The following CRB1 variants were observed in gnomAD, a reference collection of about 807,000 sequenced individuals.
The protein encoded by CRB1 is protein crumbs homolog 1.
CRB1 carries 83 observed loss-of-function variants against 120.0 expected under a neutral mutation model. The ratio of observed to expected loss-of-function variants is 0.69; its 90% confidence interval spans 0.58 to 0.83. CRB1 has a LOEUF of 0.83. CRB1 is among the 40% of genes least tolerant of loss of function. The pLI, the probability that CRB1 is intolerant of heterozygous loss-of-function variation, is 0.00. For synonymous variants in CRB1, 625 were observed against 612.5 expected, an observed-to-expected ratio of 1.02 and a Z score of -0.30; for missense variants, 1,699 against 1,687.6, an observed-to-expected ratio of 1.01 and a Z score of -0.12.
At chr1:197,391,708 C>G (rs985998819) in intron 5 of CRB1, among the ~76,000 whole-genome samples, 1 of 151,992 alleles carries the variant, frequency 6.6e-6, no homozygotes, top group African/African-American at 2.4e-5. Flanking sequence ...TGGAGTTGAA[C>G]TTAACCAGTT....
intron 1 of CRB1, among the ~76,000 whole-genome samples, chr1:197,308,488 A>G (rs1657307221): frequency 1.3e-5 from 2 of 152,240 alleles, no homozygotes; most frequent in South Asian, 4.1e-4. Flanking sequence ...GATAGGTTGT[A>G]CATTGTAAGA....
At chr1:197,450,110 C>T (rs1406264431) in intron 11 of CRB1, among the ~76,000 whole-genome samples, 4 of 152,186 alleles carry the variant, frequency 2.6e-5, no homozygotes, top group Non-Finnish European at 5.9e-5. Context: ...TGGTTATTAT[C>T]TGAGTGCCCT....
rs745464770 is a variant in CRB1, at chr1:197,421,464, A to G, written c.1636A>G (p.Ile546Val). The G allele has an allele frequency of 4.3e-6, 7 of 1,614,118 alleles. No individual in the cohort carries two copies. Among genetic ancestry groups the G allele is most frequent in the African/African-American group, 2.7e-5 (2 of 74,942 alleles). Reference protein sequence around the residue: ...ELLSGYIHLSIQVNNQSKVLL... With the variant: ...ELLSGYIHLSVQVNNQSKVLL... ...GCTAAGTGGCTACATTCACTTATCA[A>G]TTCAGGTCAATAATCAGTCAAAGGT... is the stretch of plus-strand genomic sequence containing the variant. The change falls in exon 6 of 12, where the codon ATT (isoleucine) becomes GTT (valine). Residue 546 changes from isoleucine to valine, a missense_variant. Coordinates refer to ENST00000367400, the MANE Select transcript of CRB1 (RefSeq NM_201253.3).
chr1:197,217,785 T>TG, the CRB1 span, among the ~76,000 whole-genome samples: 1 of 152,190 alleles, frequency 6.6e-6, no homozygotes, highest in Non-Finnish European at 1.5e-5. Flanking sequence ...TCCATCAAAT[T>TG]GCACGTATTA....
At position 197,268,330 on chromosome 1, in the gene CRB1, C is replaced by T. The variant is rs1198266792; in HGVS notation, c.-83C>T. 9.8e-7 allele frequency: 1 copy of T among 1,017,694 alleles called. No homozygotes were observed. Among genetic ancestry groups the T allele is most frequent in the African/African-American group, 1.6e-5 (1 of 63,324 alleles). The allele number at this position is 1,017,694 out of a possible 1,614,324, so 63.0% of individuals were successfully genotyped here. A position where few individuals can be genotyped will look rare whatever the true frequency, so the allele number is the denominator to read the frequency against. Reference sequence around the variant, plus strand: ...CCTGGGGGTTCTGAGGCACCCGCTCCTCTCTGAGACAGACAGGGATCAGGA... The same window carrying T: ...CCTGGGGGTTCTGAGGCACCCGCTCTTCTCTGAGACAGACAGGGATCAGGA... On this transcript the variant is annotated 5_prime_UTR_variant, in exon 1 of 12. Transcript: ENST00000367400.
intron 5 of CRB1, among the ~76,000 whole-genome samples, chr1:197,371,568 TC>T (rs1406560749): frequency 6.6e-6 from 1 of 152,186 alleles, no homozygotes; most frequent in Non-Finnish European, 1.5e-5. Flanking sequence ...TTGATTTTTA[TC>T]CTTTTTACAA....
intron 5 of CRB1, among the ~76,000 whole-genome samples, chr1:197,385,435 G>T (rs1292032251): frequency 6.6e-6 from 1 of 151,960 alleles, no homozygotes; most frequent in African/African-American, 2.4e-5. Flanking sequence ...TAATATGTAA[G>T]ATATTAAATT....
At chr1:197,452,899 T>C (rs1335782106) in intron 11 of CRB1, among the ~76,000 whole-genome samples, 1 of 152,162 alleles carries the variant, frequency 6.6e-6, no homozygotes. Context: ...TACAAAATAA[T>C]TGAAATCAGG....
At chr1:197,267,040 A>C (rs972595917), upstream of CRB1, among the ~76,000 whole-genome samples, 12 of 152,190 alleles carry the variant, frequency 7.9e-5, no homozygotes, top group African/African-American at 2.7e-4. Flanking sequence ...TTAGTGAAGA[A>C]CTAATGTTCT....
chr1:197,455,006 A>G (rs1028978394), intron 11 of CRB1, among the ~76,000 whole-genome samples: 6 of 152,226 alleles, frequency 3.9e-5, no homozygotes, highest in Admixed American at 3.9e-4. Context: ...AGATATTTTT[A>G]ATGTGTCTAT....
intron 1 of CRB1, among the ~76,000 whole-genome samples, chr1:197,307,422 A>G (rs1018018903): frequency 6.6e-6 from 1 of 152,232 alleles, no homozygotes; most frequent in African/African-American, 2.4e-5. Flanking sequence ...GCCAAACAGC[A>G]TGCAAAGGCT....
chr1:197,320,070 C>T (rs1472367341), intron 1 of CRB1, among the ~76,000 whole-genome samples: 1 of 152,236 alleles, frequency 6.6e-6, no homozygotes, highest in Non-Finnish European at 1.5e-5. Context: ...CCAATCAGCT[C>T]TTAGGCTCCT....
chr1:197,285,807 C>G (rs1277031710), intron 1 of CRB1, among the ~76,000 whole-genome samples: 1 of 151,900 alleles, frequency 6.6e-6, no homozygotes, highest in Non-Finnish European at 1.5e-5. Context: ...AGGGGAAACA[C>G]ACATGCTGAG....
the CRB1 span, among the ~76,000 whole-genome samples, chr1:197,228,943 G>A: frequency 6.6e-6 from 1 of 152,274 alleles, no homozygotes; most frequent in Non-Finnish European, 1.5e-5. Context: ...CAGATCTTGT[G>A]AGACTTATTC....
intron 11 of CRB1, among the ~76,000 whole-genome samples, chr1:197,456,619 GCACAGAAACCCCATTATTCATCTTGAA>G (rs1666298117): frequency 6.6e-6 from 1 of 151,930 alleles, no homozygotes; most frequent in African/African-American, 2.4e-5. Context: ...AGAACCCAAT[GCACAGAAACCCCATTATTCATCTTGAA>G]TTAGAATTTG....
the CRB1 span, among the ~76,000 whole-genome samples, chr1:197,235,773 C>G: frequency 1.3e-5 from 2 of 152,094 alleles, no homozygotes; most frequent in African/African-American, 4.8e-5. Flanking sequence ...AAACAGCTTG[C>G]CAAGAGAAGG....
chr1:197,412,621 G>A (rs537212929), intron 5 of CRB1, among the ~76,000 whole-genome samples: 2 of 152,106 alleles, frequency 1.3e-5, no homozygotes, highest in Non-Finnish European at 2.9e-5. Flanking sequence ...CCTTCACCCT[G>A]TAGCCCCCAA....
chr1:197,291,777 G>A (rs1656197249), intron 1 of CRB1, among the ~76,000 whole-genome samples: 1 of 151,708 alleles, frequency 6.6e-6, no homozygotes, highest in Non-Finnish European at 1.5e-5. Context: ...GTACATACAT[G>A]TGTACATACA....
At chr1:197,442,117 A>G (rs1229647652) in intron 10 of CRB1, 49 bp from the exon 11 acceptor site, 1 of 1,613,630 alleles carries the variant, frequency 6.2e-7, no homozygotes, top group East Asian at 2.2e-5. Flanking sequence ...TTTCACAACC[A>G]ATGTATTCAA....
Sources: allele counts gnomAD v4.1 joint callset (sites outside exome capture counted in the v4.1 genomes callset), GRCh38; gene constraint gnomAD v4.1.1; transcripts MANE v1.5; gene names NCBI Gene and HGNC (gene_info 2026-07-23, HGNC 2026-07-21).